Variants in JRK observed in about 807,000 individuals in gnomAD.
The protein encoded by JRK is Jrk helix-turn-helix protein, also known as jerky protein homolog.
For missense variants in JRK, 720 were observed against 509.2 expected (o/e 1.41, Z -3.98); for synonymous variants, 303 against 218.1 (o/e 1.39, Z -3.43).
At position 142,663,413 on chromosome 8, in the gene JRK, G is replaced by A; in HGVS notation, c.*939C>T. On this transcript the variant is annotated 3_prime_UTR_variant, in exon 2 of 2. Coordinates refer to ENST00000612905, the MANE Select transcript of JRK (RefSeq NM_003724.4). Reference sequence around the variant, plus strand: ...AGCTGGGGATAAGAGCACACATACTGCTAGAAATCTAAGCAGCCTGTTTTA... The same window carrying A: ...AGCTGGGGATAAGAGCACACATACTACTAGAAATCTAAGCAGCCTGTTTTA... The A allele has an allele frequency of 1.0e-6, 1 of 985,444 alleles. No homozygotes were observed. The highest frequency in any genetic ancestry group is 1.2e-6 in the Non-Finnish European group (1 of 829,944). The allele number at this position is 985,444 out of a possible 1,614,324, so 61.0% of individuals were successfully genotyped here.
At chr8:142,648,051 G>A in the JRK span, among the ~76,000 whole-genome samples, 4,836 of 152,290 alleles carry the variant, frequency 0.032, 212 homozygotes, top group African/African-American at 0.11. Flanking sequence ...GAGATGTGAC[G>A]AATTCTGAAC....
chr8:142,656,322 G>A (rs1332214237), downstream of JRK, among the ~76,000 whole-genome samples: 3 of 152,186 alleles, frequency 2.0e-5, no homozygotes, highest in African/African-American at 4.8e-5. Flanking sequence ...GCCTCTGACT[G>A]CATCTCAGTT....
Position 142,661,838 on chromosome 8 carries a change from G to A in JRK, c.*2514C>T, listed in dbSNP as rs781880239. On this transcript the variant is annotated 3_prime_UTR_variant, in exon 2 of 2. Transcript: ENST00000612905. ...ATTCAACCACTTGAGCTTCTGAGAC[G>A]GGTCAGGAAGTGAAAACAAAGTGCT... The A allele has an allele frequency of 9.1e-6, 9 of 985,496 alleles. No individual in the cohort carries two copies. The highest frequency in any genetic ancestry group is 4.7e-5 in the South Asian group (1 of 21,290). 61.0% of individuals were successfully genotyped at this position (985,496 alleles called of 1,614,324 possible).
Position 142,661,431 on chromosome 8 carries a change from CAG to C in JRK, c.*2919_*2920del, listed in dbSNP as rs1333820452. ...AGGAGCGCCCTCAGGCCTGAGCACT[CAG>C]GGGTGCCACCCCAAAGATGAAGGCA... On this transcript the variant is annotated 3_prime_UTR_variant, in exon 2 of 2. Transcript: ENST00000612905. 1.0e-6 allele frequency: 1 copy of C among 985,402 alleles called. No individual in the cohort carries two copies. The highest frequency in any genetic ancestry group is 1.2e-6 in the Non-Finnish European group (1 of 830,006). 61.0% of individuals were successfully genotyped at this position (985,402 alleles called of 1,614,324 possible).
rs1037491093 is a variant in JRK at position 142,663,353 on chromosome 8, C to A, written c.*999G>T. ...CTCTGTGAAAACTGACCAGGACAGACAACTCCTCCCCAAAAGTATTACTAA... is the reference window on the plus strand; with the variant it reads ...CTCTGTGAAAACTGACCAGGACAGAAAACTCCTCCCCAAAAGTATTACTAA... On this transcript the variant is annotated 3_prime_UTR_variant, in exon 2 of 2. Transcript: ENST00000612905. 8 of 985,328 alleles carry A rather than the reference C, an allele frequency of 8.1e-6. No individual in the cohort carries two copies. The African/African-American group carries it at 1.4e-4, about 17-fold the overall frequency. The allele number at this position is 985,328 out of a possible 1,614,324, so 61.0% of individuals were successfully genotyped here.
At chr8:142,648,857 T>C in the JRK span, among the ~76,000 whole-genome samples, 1 of 152,108 alleles carries the variant, frequency 6.6e-6, no homozygotes. Flanking sequence ...CACCAGCCCA[T>C]GAAGGCAGCT....
chr8:142,655,249 G>C (rs979099282), downstream of JRK, among the ~76,000 whole-genome samples: 2 of 152,226 alleles, frequency 1.3e-5, no homozygotes, highest in Non-Finnish European at 2.9e-5. Flanking sequence ...CTCTAGTGGT[G>C]ACCTTGCTGT....
intron 1 of JRK, 41 bp from the exon 2 acceptor site, chr8:142,666,561 G>A (rs138353899): frequency 7.2e-5 from 17 of 237,436 alleles, no homozygotes; most frequent in Non-Finnish European, 1.0e-4. Context: ...GATGGGGCGC[G>A]CCCAGGACAC....
In JRK at chr8:142,661,192, C is replaced by T. The variant is rs1178241546; in HGVS notation, c.*3160G>A. 1.0e-6 allele frequency: 1 copy of T among 985,428 alleles called. No individual in the cohort carries two copies. The highest frequency in any genetic ancestry group is 6.1e-5 in the Admixed American group (1 of 16,270). The allele number at this position is 985,428 out of a possible 1,614,324, so 61.0% of individuals were successfully genotyped here. On this transcript the variant is annotated 3_prime_UTR_variant, in exon 2 of 2. Transcript: ENST00000612905. ...TCCTATGCAGGAGACAGACAACTTC[C>T]AGGACAGCGTGCCTGGGGTGCTCGC...
rs986604937 is a variant in JRK, at chr8:142,666,111, G to A, written c.-53C>T. On this transcript the variant is annotated 5_prime_UTR_variant, in exon 2 of 2. Transcript: ENST00000612905. ...GCAGGACACACGCCTGGCCTGGGCT[G>A]CTGCCACTACTTCCCTCTCCTCCTG... 5 of 1,556,816 alleles carry A rather than the reference G, an allele frequency of 3.2e-6. No individual in the cohort carries two copies. In the African/African-American group the frequency reaches 4.1e-5, roughly 13 times the overall value.
chr8:142,651,374 C>T, the JRK span, among the ~76,000 whole-genome samples: 1 of 151,302 alleles, frequency 6.6e-6, no homozygotes, highest in East Asian at 1.9e-4. Context: ...GATTTAGGAA[C>T]CAAACCCAGC....
In JRK at chr8:142,664,330, CCAGGG is replaced by C. The variant is rs782461920; in HGVS notation, c.*17_*21del. ...GTGTGGGGAGAAACAGGGCCAGTGG[CCAGGG>C]CAGGGCAGAGAAGCCATCAGTTGTC... On this transcript the variant is annotated 3_prime_UTR_variant, in exon 2 of 2. Coordinates refer to ENST00000612905, the MANE Select transcript of JRK (RefSeq NM_003724.4). 12 of 1,532,194 alleles carry C rather than the reference CCAGGG, an allele frequency of 7.8e-6. No individual in the cohort carries two copies. In the African/African-American group the frequency reaches 1.5e-4, roughly 19 times the overall value. The allele number at this position is 1,532,194 out of a possible 1,614,324, so 94.9% of individuals were successfully genotyped here.
chr8:142,664,430 G>A lies in JRK; in HGVS notation c.1629C>T (p.Ala543=). 1 of 1,608,912 alleles carries A rather than the reference G, an allele frequency of 6.2e-7. No homozygotes were observed. Among genetic ancestry groups the A allele is most frequent in the Non-Finnish European group, 8.5e-7 (1 of 1,176,768 alleles). Residue 543 remains alanine, a synonymous_variant, in exon 2 of 2, where the codon GCC becomes GCT. Coordinates refer to ENST00000612905, the MANE Select transcript of JRK (RefSeq NM_003724.4). The stretch of plus-strand genomic sequence containing the variant: ...CACAGCCACCAGGGCCCTCCTGGAG[G>A]GCTTCAACCTTGACCACAGCCCCGA... ...GALGAVVKVE[A]LQEGPGGCGA...
chr8:142,667,807 A>G (rs1027367010), intron 1 of JRK, among the ~76,000 whole-genome samples: 3 of 152,268 alleles, frequency 2.0e-5, no homozygotes, highest in Non-Finnish European at 4.4e-5. Flanking sequence ...TATAAAGACA[A>G]TGCGGGTCAT....
Position 142,664,538 on chromosome 8 carries a change from G to A in JRK, c.1521C>T (p.Phe507=). The A allele has an allele frequency of 6.2e-7, 1 of 1,608,502 alleles. No homozygotes were observed. The highest frequency in any genetic ancestry group is 1.3e-5 in the African/African-American group (1 of 74,964). Residue 507 remains phenylalanine (F), a synonymous_variant, in exon 2 of 2, where the codon TTC becomes TTT. Coordinates refer to ENST00000612905, the MANE Select transcript of JRK (RefSeq NM_003724.4). ...VLRFAERQPC[F]SAQEVGQLRA... Reference sequence around the variant, plus strand: ...GCAGCTGCCCCACTTCCTGCGCACTGAAGCATGGCTGCCGCTCCGCAAAGC... The same window carrying A: ...GCAGCTGCCCCACTTCCTGCGCACTAAAGCATGGCTGCCGCTCCGCAAAGC...
rs1846896484 is a variant in JRK at position 142,660,984 on chromosome 8, C to T, written c.*3368G>A. On this transcript the variant is annotated 3_prime_UTR_variant, in exon 2 of 2. Coordinates refer to ENST00000612905, the MANE Select transcript of JRK (RefSeq NM_003724.4). The stretch of plus-strand genomic sequence containing the variant: ...AAGCCGTGGGCAGGGGCTGCGACTT[C>T]CTTTCTTCCAATCAACTCCACCACT... The T allele has an allele frequency of 2.0e-6, 2 of 985,336 alleles. No homozygotes were observed. Among genetic ancestry groups the T allele is most frequent in the African/African-American group, 3.5e-5 (2 of 57,210 alleles). The allele number at this position is 985,336 out of a possible 1,614,324, so 61.0% of individuals were successfully genotyped here. A position where few individuals can be genotyped will look rare whatever the true frequency, so the allele number is the denominator to read the frequency against.
In JRK at chr8:142,664,523, C is replaced by T; in HGVS notation, c.1536G>A (p.Val512=). ...ERQPCFSAQE[V]GQLRALRAVF... Reference sequence around the variant, plus strand: ...CGGCACGCAGCGCCCGCAGCTGCCCCACTTCCTGCGCACTGAAGCATGGCT... The same window carrying T: ...CGGCACGCAGCGCCCGCAGCTGCCCTACTTCCTGCGCACTGAAGCATGGCT... The change falls in exon 2 of 2, where the codon GTG becomes GTA. Residue 512 remains valine, a synonymous_variant. Coordinates refer to ENST00000612905, the MANE Select transcript of JRK (RefSeq NM_003724.4). 1 of 1,609,210 alleles carries T rather than the reference C, an allele frequency of 6.2e-7. No individual in the cohort carries two copies. The highest frequency in any genetic ancestry group is 1.3e-5 in the African/African-American group (1 of 74,958).
intron 1 of JRK, among the ~76,000 whole-genome samples, chr8:142,667,436 C>G (rs1356427105): frequency 1.3e-4 from 2 of 15,962 alleles, no homozygotes; most frequent in African/African-American, 1.7e-4. Context: ...CACGGAGACA[C>G]ACACACACAC....
At position 142,658,899 on chromosome 8, in the gene JRK, A is replaced by G. The variant is rs117839538; in HGVS notation, c.*5453T>C. On this transcript the variant is annotated 3_prime_UTR_variant, in exon 2 of 2. Transcript: ENST00000612905. ...TCCAGGCAGCACTTAGGAATTGCCA[A>G]CTCCTCTGGTGAGGTCACTACCACA... The G allele has an allele frequency of 2.7e-5, 43 of 1,613,282 alleles. No homozygotes were observed. The highest frequency in any genetic ancestry group is 3.1e-5 in the Non-Finnish European group (36 of 1,179,722).
Sources: gnomAD v4.1 joint callset for allele counts (sites outside exome capture counted in the v4.1 genomes callset) on GRCh38, gnomAD v4.1.1 for gene constraint, MANE v1.5 for transcripts, NCBI Gene and HGNC (gene_info 2026-07-23, HGNC 2026-07-21) for gene names.